ST6GALNAC3: variants seen among roughly 807,000 people sequenced by gnomAD.
ST6GALNAC3 encodes alpha-N-acetylgalactosaminide alpha-2,6-sialyltransferase 3.
A neutral mutation model predicts 32.7 loss-of-function variants in ST6GALNAC3; 25 were observed. The ratio of observed to expected loss-of-function variants is 0.76; its 90% CI spans 0.56 to 1.07. The LOEUF (loss-of-function observed/expected upper bound fraction) is 1.07, where lower values mean the gene tolerates loss of function less well. Ranked by LOEUF, ST6GALNAC3 falls within the 50% of genes least tolerant of loss-of-function variation. ST6GALNAC3 has a pLI of 0.00. For synonymous variants in ST6GALNAC3, 129 were observed against 133.1 expected (o/e 0.97, Z 0.21); for missense variants, 355 against 382.4 (o/e 0.93, Z 0.60).
chr1:76,274,089 T>A (rs1659004523), intron 1 of ST6GALNAC3, among the ~76,000 whole-genome samples: 1 of 152,184 alleles, frequency 6.6e-6, no homozygotes, highest in Non-Finnish European at 1.5e-5. Context: ...CTTTCTAATC[T>A]TTGCAAAGTA....
At chr1:76,580,132 A>T (rs184438796) in intron 3 of ST6GALNAC3, among the ~76,000 whole-genome samples, 105 of 152,188 alleles carry the variant, frequency 6.9e-4, no homozygotes, top group African/African-American at 2.5e-3. Flanking sequence ...ATCCCTCGGT[A>T]CTCAATAATT....
chr1:76,089,445 A>G (rs995852710), intron 1 of ST6GALNAC3, among the ~76,000 whole-genome samples: 5 of 152,192 alleles, frequency 3.3e-5, no homozygotes, highest in African/African-American at 4.8e-5. Flanking sequence ...TTTTGCTACA[A>G]TGATTGCACA....
chr1:76,174,175 T>C (rs1652701332), intron 1 of ST6GALNAC3, among the ~76,000 whole-genome samples: 1 of 152,190 alleles, frequency 6.6e-6, no homozygotes, highest in African/African-American at 2.4e-5. Context: ...AATGAGATTA[T>C]GTCCTTTGCA....
intron 3 of ST6GALNAC3, among the ~76,000 whole-genome samples, chr1:76,465,881 A>G (rs1447537053): frequency 3.7e-4 from 56 of 151,866 alleles, no homozygotes; most frequent in Admixed American, 3.7e-3. Context: ...GTCTTTTTTA[A>G]TCTCTCAGAT....
chr1:76,345,495 G>A (rs1648427781), intron 2 of ST6GALNAC3, among the ~76,000 whole-genome samples: 1 of 152,018 alleles, frequency 6.6e-6, no homozygotes, highest in Admixed American at 6.6e-5. Flanking sequence ...TTTACCCACT[G>A]AAAAGATGTT....
At chr1:76,490,141 A>G (rs1002875152) in intron 3 of ST6GALNAC3, among the ~76,000 whole-genome samples, 1 of 152,064 alleles carries the variant, frequency 6.6e-6, no homozygotes, top group African/African-American at 2.4e-5. Flanking sequence ...TGACCCGAAA[A>G]TAGCCCACGG....
chr1:76,581,506 C>A (rs1646891481), intron 3 of ST6GALNAC3, among the ~76,000 whole-genome samples: 1 of 152,104 alleles, frequency 6.6e-6, no homozygotes, highest in Admixed American at 6.6e-5. Flanking sequence ...TAAACAGTTT[C>A]CTAAACACTC....
At chr1:76,534,311 G>T (rs915192240) in intron 3 of ST6GALNAC3, among the ~76,000 whole-genome samples, 4 of 152,076 alleles carry the variant, frequency 2.6e-5, no homozygotes, top group Admixed American at 6.5e-5. Flanking sequence ...CCAAAGTGCT[G>T]GGATAACAGG....
intron 1 of ST6GALNAC3, among the ~76,000 whole-genome samples, chr1:76,165,675 C>T (rs1348227006): frequency 6.6e-6 from 1 of 152,146 alleles, no homozygotes; most frequent in Non-Finnish European, 1.5e-5. Context: ...ACTTCACCAG[C>T]ATCTGTTATT....
At chr1:76,501,010 C>T (rs1661144723) in intron 3 of ST6GALNAC3, among the ~76,000 whole-genome samples, 1 of 152,110 alleles carries the variant, frequency 6.6e-6, no homozygotes, top group Non-Finnish European at 1.5e-5. Flanking sequence ...GTGATTAATC[C>T]TAAGGTAGTG....
At chr1:76,183,149 G>A (rs191270858) in intron 1 of ST6GALNAC3, among the ~76,000 whole-genome samples, 2 of 152,226 alleles carry the variant, frequency 1.3e-5, no homozygotes, top group East Asian at 1.9e-4. Flanking sequence ...TTGTGGTCAC[G>A]TAATGAAAAT....
intron 2 of ST6GALNAC3, among the ~76,000 whole-genome samples, chr1:76,327,275 CGTGTGTGTGTGTGTGTGT>C (rs3079480): frequency 3.6e-5 from 5 of 138,760 alleles, no homozygotes; most frequent in East Asian, 2.2e-4. Context: ...TGTATATATG[CGTGTGTGTGTGTGTGTGT>C]GTGTGTGTGT....
Position 76,628,854 on chromosome 1 carries a change from T to C in ST6GALNAC3, c.*48T>C, listed in dbSNP as rs755254944. On this transcript the variant is annotated 3_prime_UTR_variant, in exon 5 of 5. Coordinates refer to ENST00000328299, the MANE Select transcript of ST6GALNAC3 (RefSeq NM_152996.4). The stretch of plus-strand genomic sequence containing the variant: ...GCATCACTTAATGTGATCCCCATAC[T>C]GCAACTGTGATGCTGATGATGCTAA... 15 of 1,594,560 alleles carry C rather than the reference T, an allele frequency of 9.4e-6. No homozygotes were observed. The highest frequency in any genetic ancestry group is 1.3e-5 in the Non-Finnish European group (15 of 1,174,160).
At chr1:76,256,259 T>G (rs1365335436) in intron 1 of ST6GALNAC3, among the ~76,000 whole-genome samples, 1 of 152,136 alleles carries the variant, frequency 6.6e-6, no homozygotes, top group African/African-American at 2.4e-5. Context: ...TCTCTCCAAT[T>G]CTAATTCCTT....
At chr1:76,584,134 G>C (rs315033) in intron 3 of ST6GALNAC3, among the ~76,000 whole-genome samples, 2,233 of 152,290 alleles carry the variant, frequency 0.015, 43 homozygotes, top group African/African-American at 0.051. Flanking sequence ...TCTTTTGCAT[G>C]GGGAGTATTA....
At chr1:76,362,640 A>G (rs538851691) in intron 2 of ST6GALNAC3, among the ~76,000 whole-genome samples, 2 of 152,228 alleles carry the variant, frequency 1.3e-5, no homozygotes, top group Non-Finnish European at 1.5e-5. Flanking sequence ...TACAAAAGGG[A>G]TAAATTGGCC....
In ST6GALNAC3 at chr1:76,630,744, T is replaced by A. The variant is rs1649254463; in HGVS notation, c.*1938T>A. 14 of 985,558 alleles carry A rather than the reference T, an allele frequency of 1.4e-5. No individual in the cohort carries two copies. In the South Asian group the frequency reaches 6.6e-4, roughly 46 times the overall value. The allele number at this position is 985,558 out of a possible 1,614,324, so 61.1% of individuals were successfully genotyped here. A position where few individuals can be genotyped will look rare whatever the true frequency, so the allele number is the denominator to read the frequency against. ...ACCCATAAACATTACTAAGCCCCAGTTCTATCGTTGGAAGGAGTTGTTATT... is the reference window on the plus strand; with the variant it reads ...ACCCATAAACATTACTAAGCCCCAGATCTATCGTTGGAAGGAGTTGTTATT... On this transcript the variant is annotated 3_prime_UTR_variant, in exon 5 of 5. Coordinates refer to ENST00000328299, the MANE Select transcript of ST6GALNAC3 (RefSeq NM_152996.4).
At chr1:76,198,409 C>A (rs1390516494) in intron 1 of ST6GALNAC3, among the ~76,000 whole-genome samples, 1 of 152,134 alleles carries the variant, frequency 6.6e-6, no homozygotes, top group Admixed American at 6.6e-5. Context: ...CAGATTTATA[C>A]CTTTTGGACA....
At chr1:76,573,787 T>G (rs949969958) in intron 3 of ST6GALNAC3, among the ~76,000 whole-genome samples, 9 of 152,090 alleles carry the variant, frequency 5.9e-5, no homozygotes, top group African/African-American at 2.2e-4. Flanking sequence ...ATACTGTTAA[T>G]ATTTTAATTT....
Sources: gnomAD v4.1 joint callset for allele counts (sites outside exome capture counted in the v4.1 genomes callset) on GRCh38, gnomAD v4.1.1 for gene constraint, MANE v1.5 for transcripts, NCBI Gene and HGNC (gene_info 2026-07-23, HGNC 2026-07-21) for gene names.